The following PHKB variants were observed in gnomAD, a reference collection of about 807,000 sequenced individuals.
The protein encoded by PHKB is phosphorylase b kinase regulatory subunit beta.
In PHKB, 122 loss-of-function variants were observed where a neutral mutation model predicts 152.1. The ratio of observed to expected loss-of-function variants is 0.80; its 90% CI spans 0.69 to 0.93. The LOEUF (loss-of-function observed/expected upper bound fraction) is 0.93, where lower values mean the gene tolerates loss of function less well. Among genes scored for constraint, PHKB ranks in the 40% least tolerant of loss-of-function variants. PHKB has a pLI of 0.00. For synonymous variants in PHKB, 436 were observed against 464.9 expected, an observed-to-expected ratio of 0.94 and a Z score of 0.80; for missense variants, 1,304 against 1,328.4, an observed-to-expected ratio of 0.98 and a Z score of 0.29.
chr16:47,526,880 C>T (rs1204382488), intron 6 of PHKB, among the ~76,000 whole-genome samples: 1 of 152,166 alleles, frequency 6.6e-6, no homozygotes, highest in East Asian at 1.9e-4. Flanking sequence ...TCTGCAGGCT[C>T]TATAAGCATA....
chr16:47,682,458 G>A (rs915014945), intron 26 of PHKB, among the ~76,000 whole-genome samples: 14 of 152,050 alleles, frequency 9.2e-5, no homozygotes, highest in South Asian at 2.1e-4. Context: ...GGCTTTGTTC[G>A]TTTCTTTTTA....
At chr16:47,599,234 A>C (rs1436881558) in intron 13 of PHKB, among the ~76,000 whole-genome samples, 1 of 152,264 alleles carries the variant, frequency 6.6e-6, no homozygotes, top group Non-Finnish European at 1.5e-5. Flanking sequence ...TTTGGAAATT[A>C]CAAATGAGCA....
At chr16:47,517,255 AT>A (rs1214324029) in intron 6 of PHKB, among the ~76,000 whole-genome samples, 1,482 of 140,260 alleles carry the variant, frequency 0.011, 16 homozygotes, top group African/African-American at 0.027. Flanking sequence ...TTGTTCAGTA[AT>A]TTTTTTTTTT....
chr16:47,628,543 T>C (rs1378248223), intron 14 of PHKB, among the ~76,000 whole-genome samples: 1 of 151,900 alleles, frequency 6.6e-6, no homozygotes, highest in Non-Finnish European at 1.5e-5. Flanking sequence ...AAAAAATAAA[T>C]AAATAAAAAT....
intron 26 of PHKB, among the ~76,000 whole-genome samples, chr16:47,681,937 C>A (rs758118281): frequency 3.3e-5 from 5 of 152,090 alleles, no homozygotes; most frequent in Non-Finnish European, 7.3e-5. Context: ...TTTAGTGCTT[C>A]CTTCAGGAGC....
chr16:47,482,261 A>G (rs1485480947), intron 1 of PHKB, among the ~76,000 whole-genome samples: 4 of 152,200 alleles, frequency 2.6e-5, no homozygotes, highest in Non-Finnish European at 5.9e-5. Context: ...TCCTTGTTTC[A>G]CTTAGCCAAT....
chr16:47,678,801 T>C (rs1168575452), intron 26 of PHKB, among the ~76,000 whole-genome samples: 1 of 152,160 alleles, frequency 6.6e-6, no homozygotes, highest in Non-Finnish European at 1.5e-5. Flanking sequence ...AATTTTGGCT[T>C]TTGTTGCCAT....
intron 26 of PHKB, among the ~76,000 whole-genome samples, chr16:47,673,602 C>T (rs1420093541): frequency 6.6e-6 from 1 of 152,064 alleles, no homozygotes; most frequent in Non-Finnish European, 1.5e-5. Context: ...GGACAGGTTG[C>T]CTTACAATCG....
chr16:47,567,838 A>G (rs1259401483), intron 7 of PHKB, among the ~76,000 whole-genome samples: 1 of 152,150 alleles, frequency 6.6e-6, no homozygotes, highest in Non-Finnish European at 1.5e-5. Context: ...TGATGAATCA[A>G]TTTATTGACT....
rs904750078 is a variant in PHKB at position 47,649,109 on chromosome 16, A to G, written c.1702A>G (p.Ile568Val). 5.0e-6 allele frequency: 8 copies of G among 1,591,604 alleles called. No individual in the cohort carries two copies. The highest frequency in any genetic ancestry group is 6.9e-6 in the Non-Finnish European group (8 of 1,159,542). Reference sequence around the variant, plus strand: ...ACTTTTTCCCTTACAGATTTATCGCATTCTAGGAAAGACTGTGGTTTGTTA... The same window carrying G: ...ACTTTTTCCCTTACAGATTTATCGCGTTCTAGGAAAGACTGTGGTTTGTTA... ...GCLGTSKIYR[I>V]LGKTVVCYPI... The change falls in exon 18 of 31, where the codon ATT becomes GTT. Residue 568 changes from isoleucine (I) to valine (V), a missense_variant. Coordinates refer to ENST00000323584, the MANE Select transcript of PHKB (RefSeq NM_000293.3).
At chr16:47,682,146 C>G (rs976382620) in intron 26 of PHKB, among the ~76,000 whole-genome samples, 7 of 152,194 alleles carry the variant, frequency 4.6e-5, no homozygotes, top group Admixed American at 1.3e-4. Flanking sequence ...AGTCTGATGG[C>G]CTTCCCTTTG....
intron 20 of PHKB, among the ~76,000 whole-genome samples, chr16:47,655,303 G>C (rs1300500083): frequency 6.6e-6 from 1 of 152,120 alleles, no homozygotes; most frequent in African/African-American, 2.4e-5. Flanking sequence ...ATTTCAGGTG[G>C]ATTAAATGAC....
At chr16:47,587,027 A>C (rs966780468) in intron 8 of PHKB, among the ~76,000 whole-genome samples, 2 of 152,176 alleles carry the variant, frequency 1.3e-5, no homozygotes, top group Non-Finnish European at 2.9e-5. Context: ...TCTGTGTCAG[A>C]GACTTGATTT....
At chr16:47,581,389 A>G (rs1971842521) in intron 8 of PHKB, among the ~76,000 whole-genome samples, 1 of 152,214 alleles carries the variant, frequency 6.6e-6, no homozygotes, top group East Asian at 1.9e-4. Context: ...ATATTCCTGG[A>G]TGGATGGATG....
chr16:47,542,018 A>G (rs899036759), intron 6 of PHKB, among the ~76,000 whole-genome samples: 1 of 152,020 alleles, frequency 6.6e-6, no homozygotes, highest in Non-Finnish European at 1.5e-5. Context: ...CCATTTGTCT[A>G]TTTTGGCTTT....
chr16:47,587,948 G>A (rs1971962788), intron 9 of PHKB, among the ~76,000 whole-genome samples, 185 bp downstream of exon 9: 1 of 152,164 alleles, frequency 6.6e-6, no homozygotes, highest in African/African-American at 2.4e-5. Flanking sequence ...GACAAGAGTT[G>A]TGGACACGGC....
At chr16:47,511,369 A>G (rs915500288) in intron 4 of PHKB, among the ~76,000 whole-genome samples, 5 of 152,212 alleles carry the variant, frequency 3.3e-5, no homozygotes, top group Admixed American at 2.0e-4. Context: ...ATTTTACTCT[A>G]AAACAAAATA....
chr16:47,547,675 A>G (rs1453087428), intron 7 of PHKB, 127 bp downstream of exon 7: 10 of 658,454 alleles, frequency 1.5e-5, no homozygotes, highest in East Asian at 5.7e-5. Flanking sequence ...TTTTCTACCT[A>G]TGATGCAGAT....
intron 23 of PHKB, 36 bp downstream of exon 23, chr16:47,661,836 A>G (rs1244583838): frequency 1.5e-6 from 2 of 1,293,244 alleles, no homozygotes; most frequent in African/African-American, 1.5e-5. Flanking sequence ...TTTTAAGAGG[A>G]CCTCTCTAGC....
Sources: allele counts gnomAD v4.1 joint callset (sites outside exome capture counted in the v4.1 genomes callset), GRCh38; gene constraint gnomAD v4.1.1; transcripts MANE v1.5; gene names NCBI Gene and HGNC (gene_info 2026-07-23, HGNC 2026-07-21).